The following PRUNE2 variants were observed in gnomAD, a reference collection of about 807,000 sequenced individuals.
The protein encoded by PRUNE2 is prune homolog 2 with BCH domain, also known as protein prune homolog 2.
PRUNE2 carries 164 observed loss-of-function variants against 252.0 expected under a neutral mutation model. That is an observed-to-expected ratio of 0.65 (90% CI 0.57 to 0.74). The LOEUF (loss-of-function observed/expected upper bound fraction) is 0.74, where lower values mean the gene tolerates loss of function less well. Among genes scored for constraint, PRUNE2 ranks in the 30% least tolerant of loss-of-function variants. PRUNE2 has a pLI of 0.00. For synonymous variants in PRUNE2, 1,292 were observed against 1,350.2 expected (o/e 0.96, Z 0.94); for missense variants, 3,495 against 3,711.0 (o/e 0.94, Z 1.51).
At chr9:76,630,397 A>G (rs535161466) in intron 15 of PRUNE2, among the ~76,000 whole-genome samples, 12 of 152,290 alleles carry the variant, frequency 7.9e-5, no homozygotes, top group Admixed American at 2.0e-4. Flanking sequence ...GTGTAAATGC[A>G]CAGAGAACAA....
intron 6 of PRUNE2, among the ~76,000 whole-genome samples, chr9:76,768,070 C>T (rs1435762300): frequency 6.6e-6 from 1 of 152,186 alleles, no homozygotes; most frequent in Non-Finnish European, 1.5e-5. Context: ...ACCTCCCAGC[C>T]CCACCAATCC....
At chr9:76,766,088 C>T (rs1392636223) in intron 6 of PRUNE2, among the ~76,000 whole-genome samples, 1 of 150,256 alleles carries the variant, frequency 6.7e-6, no homozygotes, top group East Asian at 2.0e-4. Flanking sequence ...GAGGCTGAGG[C>T]AGGAGAATCG....
chr9:76,759,047 A>C (rs2051435010), intron 6 of PRUNE2: 1 of 152,268 alleles, frequency 6.6e-6, no homozygotes. Context: ...AGCAGACTTC[A>C]TACTGGAAGA....
chr9:76,618,375 GAC>G (rs1219069939), intron 18 of PRUNE2, among the ~76,000 whole-genome samples: 1 of 152,190 alleles, frequency 6.6e-6, no homozygotes. Context: ...ATAGAGATGA[GAC>G]ACATTTAAAA....
At chr9:76,762,416 TG>T (rs1436681248) in intron 6 of PRUNE2, among the ~76,000 whole-genome samples, 23 of 152,198 alleles carry the variant, frequency 1.5e-4, no homozygotes, top group Admixed American at 1.5e-3. Flanking sequence ...GCAACTACCA[TG>T]GGAATAATCC....
At chr9:76,622,410 C>A (rs148176841) in intron 17 of PRUNE2, among the ~76,000 whole-genome samples, 9 of 152,160 alleles carry the variant, frequency 5.9e-5, no homozygotes, top group East Asian at 3.9e-4. Flanking sequence ...GGAAAAAAAT[C>A]TATTAAAAGA....
chr9:76,726,336 A>G (rs1008044499), intron 6 of PRUNE2, among the ~76,000 whole-genome samples: 1 of 152,206 alleles, frequency 6.6e-6, no homozygotes, highest in African/African-American at 2.4e-5. Flanking sequence ...TGCTGAGCAG[A>G]TAAGCCCATA....
At chr9:76,733,721 A>G (rs900799459) in intron 6 of PRUNE2, 1 of 152,130 alleles carries the variant, frequency 6.6e-6, no homozygotes. Flanking sequence ...ACTTTGTACA[A>G]TATCAGAGGT....
At chr9:76,625,891 T>C (rs1834484685) in intron 16 of PRUNE2, among the ~76,000 whole-genome samples, 1 of 152,176 alleles carries the variant, frequency 6.6e-6, no homozygotes, top group African/African-American at 2.4e-5. Flanking sequence ...AGCATAGGGC[T>C]GAAATACTGT....
intron 7 of PRUNE2, among the ~76,000 whole-genome samples, chr9:76,712,617 C>T (rs1043282093): frequency 1.3e-5 from 2 of 152,184 alleles, no homozygotes; most frequent in Non-Finnish European, 2.9e-5. Flanking sequence ...GGGTCTACTG[C>T]TAAAAGTGAT....
chr9:76,746,918 G>C (rs2050176921), intron 6 of PRUNE2, among the ~76,000 whole-genome samples: 1 of 152,076 alleles, frequency 6.6e-6, no homozygotes, highest in Non-Finnish European at 1.5e-5. Context: ...ATAATAAATG[G>C]GTAAATGTAA....
At chr9:76,722,724 G>A (rs749169171) in intron 6 of PRUNE2, among the ~76,000 whole-genome samples, 21 of 152,066 alleles carry the variant, frequency 1.4e-4, no homozygotes, top group Non-Finnish European at 2.2e-4. Context: ...TAGGTAACAT[G>A]GTCTCTGTTT....
At chr9:76,786,652 CT>C (rs1295173646) in intron 6 of PRUNE2, 5 of 152,338 alleles carry the variant, frequency 3.3e-5, no homozygotes, top group African/African-American at 1.2e-4. Context: ...ACTCTCAAGT[CT>C]TTTCTTCCAT....
chr9:76,640,583 A>G lies in PRUNE2; in HGVS notation c.8729-2295T>C, dbSNP rs529547992. 2.9e-3 allele frequency among the ~76,000 whole-genome samples: 435 copies of G among 152,350 alleles called. 2 individuals carry two copies. Among genetic ancestry groups the G allele is most frequent in the African/African-American group, 9.9e-3 (411 of 41,578 alleles). ...CTCTGGATATTTTTGCTTTCGTTCC[A>G]TCTTTTCCAATATGCAGGGTATTTA... is the stretch of plus-strand genomic sequence containing the variant. On this transcript the variant is annotated intron_variant, in intron 12 of 18. Coordinates refer to ENST00000376718, the MANE Select transcript of PRUNE2 (RefSeq NM_015225.3).
chr9:76,649,636 A>AGATAGATAGATAGAT (rs1167985169), intron 11 of PRUNE2, among the ~76,000 whole-genome samples: 8 of 152,046 alleles, frequency 5.3e-5, no homozygotes, highest in Non-Finnish European at 1.0e-4. Flanking sequence ...ATAGATAGAT[A>AGATAGATAGATAGAT]GATAGATAGA....
intron 6 of PRUNE2, among the ~76,000 whole-genome samples, chr9:76,781,825 G>A (rs2054433628): frequency 6.6e-6 from 1 of 152,164 alleles, no homozygotes; most frequent in African/African-American, 2.4e-5. Flanking sequence ...CATCCTGCTG[G>A]ACTCTAATTT....
intron 1 of PRUNE2, among the ~76,000 whole-genome samples, chr9:76,878,376 C>A (rs1359764139): frequency 6.6e-6 from 1 of 152,178 alleles, no homozygotes; most frequent in Non-Finnish European, 1.5e-5. Context: ...GAAGCGATTG[C>A]CCTCTTGGCT....
chr9:76,710,090 AT>A lies in PRUNE2; in HGVS notation c.2183del (p.Asn728MetfsTer34). The part of the protein sequence containing the change: ...SEFGQPELGS[N>X]DIQDKNEESL... ...TTTCCTCATTTTTGTCTTGAATATC[AT>A]TGCTACCCAGTTCAGGCTGACCAAA... On this transcript the variant is annotated frameshift_variant, in exon 8 of 19. Coordinates refer to ENST00000376718, the MANE Select transcript of PRUNE2 (RefSeq NM_015225.3). LOFTEE classifies it high-confidence loss of function. The A allele has an allele frequency of 6.2e-7, 1 of 1,613,874 alleles. No homozygotes were observed.
chr9:76,900,740 G>A (rs1348808914), intron 1 of PRUNE2, among the ~76,000 whole-genome samples: 1 of 151,988 alleles, frequency 6.6e-6, no homozygotes, highest in African/African-American at 2.4e-5. Flanking sequence ...TTCCTCTTTT[G>A]CAGCCTTTAT....
Sources: allele counts gnomAD v4.1 joint callset (sites outside exome capture counted in the v4.1 genomes callset), GRCh38; gene constraint gnomAD v4.1.1; transcripts MANE v1.5; gene names NCBI Gene and HGNC (gene_info 2026-07-23, HGNC 2026-07-21).